WDR25: variants seen among roughly 807,000 people sequenced by gnomAD.
WDR25 encodes the protein WD repeat domain 25.
A neutral mutation model predicts 47.7 loss-of-function variants in WDR25; 35 were observed. The observed-to-expected ratio is 0.73, with a 90% CI of 0.56 to 0.97. The LOEUF is 0.97. WDR25 is among the 50% of genes least tolerant of loss of function. WDR25 has a pLI of 0.00. For missense variants in WDR25, 634 were observed against 704.7 expected (o/e 0.90, Z 1.14); for synonymous variants, 248 against 278.9 (o/e 0.89, Z 1.10).
At chr14:100,520,461 T>G (rs1490186427) in intron 4 of WDR25, among the ~76,000 whole-genome samples, 2 of 152,188 alleles carry the variant, frequency 1.3e-5, no homozygotes, top group Non-Finnish European at 2.9e-5. Context: ...TTGTTCACAG[T>G]GTATATCTAA....
At chr14:100,452,217 A>C (rs918148457) in intron 2 of WDR25, among the ~76,000 whole-genome samples, 7 of 151,988 alleles carry the variant, frequency 4.6e-5, no homozygotes, top group Non-Finnish European at 1.0e-4. Flanking sequence ...CCATCCATTT[A>C]TTCTATCTAT....
chr14:100,516,613 T>C (rs1261788103), intron 4 of WDR25, among the ~76,000 whole-genome samples: 2 of 152,234 alleles, frequency 1.3e-5, no homozygotes, highest in Non-Finnish European at 2.9e-5. Flanking sequence ...ACGTTTTCAT[T>C]GTATTCCTCT....
chr14:100,411,026 G>A lies in WDR25; in HGVS notation c.822+29280G>A, dbSNP rs369411850. Among the ~76,000 whole-genome samples, 4 of 152,060 alleles carry A rather than the reference G, an allele frequency of 2.6e-5. No homozygotes were observed. The East Asian group carries it at 7.8e-4, about 30-fold the overall frequency. On this transcript the variant is annotated intron_variant, in intron 2 of 6. Coordinates refer to ENST00000402312, the MANE Select transcript of WDR25 (RefSeq NM_001161476.3). Reference sequence around the variant, plus strand: ...TGGAACTCCTGAGCTCAAGCAATCCGCCCGCCTCAGCCTCCCAAAGTACTG... The same window carrying A: ...TGGAACTCCTGAGCTCAAGCAATCCACCCGCCTCAGCCTCCCAAAGTACTG...
intron 3 of WDR25, among the ~76,000 whole-genome samples, chr14:100,472,298 A>G (rs1222157281): frequency 2.0e-5 from 3 of 152,210 alleles, no homozygotes; most frequent in Admixed American, 2.0e-4. Context: ...CCATCTGTGC[A>G]GTGCCACCTG....
At chr14:100,520,816 G>C (rs560983872) in intron 4 of WDR25, among the ~76,000 whole-genome samples, 30 of 152,306 alleles carry the variant, frequency 2.0e-4, no homozygotes, top group African/African-American at 3.9e-4. Context: ...AGTTCCTCAG[G>C]TGGAGGTCCT....
At chr14:100,460,715 C>CAA (rs59054583) in intron 2 of WDR25, among the ~76,000 whole-genome samples, 3 of 149,866 alleles carry the variant, frequency 2.0e-5, no homozygotes, top group African/African-American at 7.4e-5. Flanking sequence ...TAAGAGGCAC[C>CAA]AAAAAAAAAC....
chr14:100,486,633 C>T (rs1900393162), intron 4 of WDR25, among the ~76,000 whole-genome samples: 1 of 152,166 alleles, frequency 6.6e-6, no homozygotes, highest in Non-Finnish European at 1.5e-5. Context: ...CAGGGACTCC[C>T]GCCTGGGGCT....
In WDR25 at chr14:100,392,905, T is replaced by A. The variant is rs1187385375; in HGVS notation, c.822+11159T>A. On this transcript the variant is annotated intron_variant, in intron 2 of 6. Coordinates refer to ENST00000402312, the MANE Select transcript of WDR25 (RefSeq NM_001161476.3). The surrounding 1 kb of genome is among the most constrained non-coding windows in gnomAD (Gnocchi z 4.2). ...GAAGTGGGACTGCTGGGTCAAAGGG[T>A]TGTACATTTTCATGGGTCCAGATAC... is the stretch of plus-strand genomic sequence containing the variant. Among the ~76,000 whole-genome samples, 1 of 152,218 alleles carries A rather than the reference T, an allele frequency of 6.6e-6. No individual in the cohort carries two copies. Among genetic ancestry groups the A allele is most frequent in the African/African-American group, 2.4e-5 (1 of 41,452 alleles).
intron 2 of WDR25, among the ~76,000 whole-genome samples, chr14:100,412,838 G>T (rs1473654928): frequency 6.6e-6 from 1 of 152,198 alleles, no homozygotes; most frequent in South Asian, 2.1e-4. Flanking sequence ...TGGTTTTGTT[G>T]TTGTCGTTTT....
chr14:100,409,278 C>G (rs1897636036), intron 2 of WDR25, among the ~76,000 whole-genome samples: 1 of 152,226 alleles, frequency 6.6e-6, no homozygotes, highest in African/African-American at 2.4e-5. Context: ...TTAAGCGTGT[C>G]TGGCGCAAGG....
At chr14:100,495,949 A>G (rs968482906) in intron 4 of WDR25, among the ~76,000 whole-genome samples, 35 of 152,206 alleles carry the variant, frequency 2.3e-4, no homozygotes, top group African/African-American at 8.4e-4. Flanking sequence ...TTCATTTCTC[A>G]TGGTTCTTCC....
rs953771379 is a variant in WDR25 at position 100,488,616 on chromosome 14, A to C, written c.1101+4492A>C. On this transcript the variant is annotated intron_variant, in intron 4 of 6. Transcript: ENST00000402312. The surrounding 1 kb of genome is among the most constrained non-coding windows in gnomAD (Gnocchi z 4.2). ...GGAGAGCACCTGGGCTCTTGTTAGG[A>C]TGCAGATTCTGTTTCAGCAGGTCCA... Among the ~76,000 whole-genome samples, 2 of 152,096 alleles carry C rather than the reference A, an allele frequency of 1.3e-5. No individual in the cohort carries two copies. Among genetic ancestry groups the C allele is most frequent in the African/African-American group, 2.4e-5 (1 of 41,422 alleles).
rs995534840 is a variant in WDR25 at position 100,428,316 on chromosome 14, G to A, written c.823-39705G>A. ...GCAGGTGGCCCTGTGGGGTGACTGAGCTGGGCGTTGTCCTTTCCTCTTCCT... is the reference window on the plus strand; with the variant it reads ...GCAGGTGGCCCTGTGGGGTGACTGAACTGGGCGTTGTCCTTTCCTCTTCCT... On this transcript the variant is annotated intron_variant, in intron 2 of 6. Coordinates refer to ENST00000402312, the MANE Select transcript of WDR25 (RefSeq NM_001161476.3). This position sits in a 1 kb window ranked among gnomAD's most constrained non-coding sequence, Gnocchi z 4.3. 2.0e-5 allele frequency among the ~76,000 whole-genome samples: 3 copies of A among 152,216 alleles called. No individual in the cohort carries two copies. The highest frequency in any genetic ancestry group is 4.1e-4 in the South Asian group (2 of 4,828).
In WDR25 at chr14:100,430,237, G is replaced by C. The variant is rs1898290417; in HGVS notation, c.823-37784G>C. ...GCCTGCTGGCTCTGGCTGGTATGTT[G>C]GGTATAGACTGGAGATGAGCTCCAC... is the stretch of plus-strand genomic sequence containing the variant. On this transcript the variant is annotated intron_variant, in intron 2 of 6. Coordinates refer to ENST00000402312, the MANE Select transcript of WDR25 (RefSeq NM_001161476.3). This position sits in a 1 kb window ranked among gnomAD's most constrained non-coding sequence, Gnocchi z 4.7. Among the ~76,000 whole-genome samples, 1 of 151,552 alleles carries C rather than the reference G, an allele frequency of 6.6e-6. No homozygotes were observed. Among genetic ancestry groups the C allele is most frequent in the South Asian group, 2.1e-4 (1 of 4,796 alleles).
intron 5 of WDR25, among the ~76,000 whole-genome samples, chr14:100,528,208 C>T (rs1000260122): frequency 3.9e-5 from 6 of 152,004 alleles, no homozygotes; most frequent in African/African-American, 1.5e-4. Flanking sequence ...TCTGGAGGCC[C>T]GAAGTTCATA....
At chr14:100,519,694 CTATA>C (rs572770143) in intron 4 of WDR25, among the ~76,000 whole-genome samples, 40 of 141,062 alleles carry the variant, frequency 2.8e-4, no homozygotes, top group Middle Eastern at 4.0e-3. Context: ...ATATAATCAT[CTATA>C]TATAGTATAT....
At chr14:100,415,677 T>C (rs1897848838) in intron 2 of WDR25, among the ~76,000 whole-genome samples, 1 of 152,208 alleles carries the variant, frequency 6.6e-6, no homozygotes, top group Admixed American at 6.5e-5. Context: ...TGCATCCCAC[T>C]GTGTGTACAG....
chr14:100,448,029 G>A lies in WDR25; in HGVS notation c.823-19992G>A, dbSNP rs113909375. Among the ~76,000 whole-genome samples, 751 of 152,002 alleles carry A rather than the reference G, an allele frequency of 4.9e-3. 10 individuals carry two copies. The highest frequency in any genetic ancestry group is 0.017 in the African/African-American group (706 of 41,446). On this transcript the variant is annotated intron_variant, in intron 2 of 6. Transcript: ENST00000402312. Reference sequence around the variant, plus strand: ...ACCAACATGGAGAAACCTTGTCTCTGCTGAAAATACAAAAAATTAGCCAGG... The same window carrying A: ...ACCAACATGGAGAAACCTTGTCTCTACTGAAAATACAAAAAATTAGCCAGG...
Position 100,499,506 on chromosome 14 carries a change from A to C in WDR25, c.1101+15382A>C, listed in dbSNP as rs971414920. On this transcript the variant is annotated intron_variant, in intron 4 of 6. Coordinates refer to ENST00000402312, the MANE Select transcript of WDR25 (RefSeq NM_001161476.3). The surrounding 1 kb of genome is among the most constrained non-coding windows in gnomAD (Gnocchi z 4.4). ...CTGCCTGCTTCCTTCCAGAAGTGGA[A>C]GTGCCAGCTAACCCTGAAGAATGGG... 5.9e-5 allele frequency among the ~76,000 whole-genome samples: 9 copies of C among 152,188 alleles called. No homozygotes were observed. Among genetic ancestry groups the C allele is most frequent in the African/African-American group, 2.2e-4 (9 of 41,446 alleles).
Sources: allele counts gnomAD v4.1 joint callset (sites outside exome capture counted in the v4.1 genomes callset), GRCh38; gene constraint gnomAD v4.1.1; non-coding constraint Gnocchi (gnomAD v3.1); transcripts MANE v1.5; gene names NCBI Gene and HGNC (gene_info 2026-07-23, HGNC 2026-07-21).